The following SNX13 variants were observed in gnomAD, a reference collection of about 807,000 sequenced individuals.
SNX13 encodes the protein sorting nexin-13.
SNX13 carries 45 observed loss-of-function variants against 133.6 expected under a neutral mutation model. The observed-to-expected ratio is 0.34, with a 90% confidence interval of 0.27 to 0.43. The LOEUF (loss-of-function observed/expected upper bound fraction) is 0.43. Among genes scored for constraint, SNX13 ranks in the 20% least tolerant of loss-of-function variants. SNX13 has a pLI of 1.00. For synonymous variants in SNX13, 414 were observed against 373.9 expected, an observed-to-expected ratio of 1.11 and a Z score of -1.24; for missense variants, 1,032 against 1,145.1, an observed-to-expected ratio of 0.90 and a Z score of 1.43.
chr7:17,918,492 C>A (rs1280147056), intron 1 of SNX13, among the ~76,000 whole-genome samples: 1 of 151,532 alleles, frequency 6.6e-6, no homozygotes, highest in Non-Finnish European at 1.5e-5. Flanking sequence ...TCTCAAAAGA[C>A]ATACAAGCAG....
intron 1 of SNX13, chr7:17,907,191 C>CA (rs113143883): frequency 1.2e-3 from 184 of 152,274 alleles, no homozygotes; most frequent in African/African-American, 4.3e-3. Context: ...GATTCACTGC[C>CA]AGTACAGTCA....
intron 9 of SNX13, among the ~76,000 whole-genome samples, chr7:17,854,830 T>C (rs1791690245): frequency 6.6e-6 from 1 of 152,132 alleles, no homozygotes; most frequent in African/African-American, 2.4e-5. Context: ...TACAATGAAC[T>C]CTTAAGCGTT....
intron 1 of SNX13, among the ~76,000 whole-genome samples, chr7:17,910,644 C>T (rs1437359773): frequency 6.6e-6 from 1 of 152,038 alleles, no homozygotes; most frequent in Non-Finnish European, 1.5e-5. Context: ...TTACTATAGC[C>T]AAAAGGAGGA....
rs138732819 is a variant in SNX13 at position 17,809,906 on chromosome 7, C to T, written c.2064+4928G>A. On this transcript the variant is annotated intron_variant, in intron 20 of 25. Transcript: ENST00000428135. ...AACGAAATAAAGGTAGAAATAAATA[C>T]GTTCCTTGAAACTAATGAGAACAAA... Among the ~76,000 whole-genome samples, 85 of 152,114 alleles carry T rather than the reference C, an allele frequency of 5.6e-4. No individual in the cohort carries two copies. The East Asian group carries it at 0.015, about 27-fold the overall frequency.
intron 3 of SNX13, among the ~76,000 whole-genome samples, chr7:17,892,588 T>G (rs966022344): frequency 2.6e-5 from 4 of 151,982 alleles, no homozygotes; most frequent in African/African-American, 9.7e-5. Context: ...AAAAATTTGT[T>G]TATCAATATA....
chr7:17,844,590 T>C (rs781134818), intron 12 of SNX13, among the ~76,000 whole-genome samples: 1 of 151,972 alleles, frequency 6.6e-6, no homozygotes, highest in African/African-American at 2.4e-5. Context: ...CAGATAAAGA[T>C]AGTACAAGAA....
intron 20 of SNX13, among the ~76,000 whole-genome samples, chr7:17,807,469 G>A (rs1046152188): frequency 2.0e-5 from 3 of 152,204 alleles, no homozygotes; most frequent in African/African-American, 7.2e-5. Context: ...CCCCAGACAG[G>A]GGCTTATAGA....
chr7:17,878,266 C>G (rs1794946344), intron 5 of SNX13, among the ~76,000 whole-genome samples: 1 of 152,104 alleles, frequency 6.6e-6, no homozygotes, highest in Non-Finnish European at 1.5e-5. Flanking sequence ...CATAATGCAT[C>G]TTATTACCGA....
chr7:17,817,487 T>A (rs1186542094), intron 18 of SNX13, among the ~76,000 whole-genome samples: 1 of 152,192 alleles, frequency 6.6e-6, no homozygotes, highest in African/African-American at 2.4e-5. Flanking sequence ...AGGATTAGGA[T>A]AATTTCCATC....
At chr7:17,827,313 AT>A (rs1788016712) in intron 16 of SNX13, among the ~76,000 whole-genome samples, 1 of 152,006 alleles carries the variant, frequency 6.6e-6, no homozygotes, top group Non-Finnish European at 1.5e-5. Flanking sequence ...TATTTATATC[AT>A]TCACACATTT....
At position 17,811,305 on chromosome 7, in the gene SNX13, C is replaced by T. The variant is rs191344441; in HGVS notation, c.2064+3529G>A. On this transcript the variant is annotated intron_variant, in intron 20 of 25. Transcript: ENST00000428135. ...GCAGATAAGCAACTTCAGCAAAGTC[C>T]CAGGATACAAAATCAATGTGCAAAA... Among the ~76,000 whole-genome samples the T allele has an allele frequency of 2.8e-3, 431 of 151,326 alleles. 12 individuals carry two copies. Among genetic ancestry groups the T allele is most frequent in the Admixed American group, 0.026 (389 of 15,212 alleles).
intron 20 of SNX13, among the ~76,000 whole-genome samples, chr7:17,812,926 A>G (rs543734777): frequency 3.9e-5 from 6 of 152,180 alleles, no homozygotes; most frequent in African/African-American, 1.4e-4. Flanking sequence ...GTTCTCACAC[A>G]TGGACACAGG....
intron 11 of SNX13, among the ~76,000 whole-genome samples, chr7:17,848,416 C>T (rs1196648176): frequency 1.3e-5 from 2 of 152,204 alleles, no homozygotes; most frequent in African/African-American, 4.8e-5. Flanking sequence ...GGCTTTCACA[C>T]TGGCCCTGTG....
chr7:17,821,607 T>C lies in SNX13; in HGVS notation c.1747A>G (p.Ile583Val). 1 of 1,613,692 alleles carries C rather than the reference T, an allele frequency of 6.2e-7. No individual in the cohort carries two copies. Among genetic ancestry groups the C allele is most frequent in the South Asian group, 1.1e-5 (1 of 91,068 alleles). ...DHGKTYALYA[I>V]TVHRRNLNSE... is the part of the protein sequence containing the mutation. The stretch of plus-strand genomic sequence containing the variant: ...TTTAGGTTGCGCCGGTGTACAGTGA[T>C]GGCATATAATGCATATGTCTTGCCA... The change falls in exon 18 of 26, where the codon ATC (isoleucine) becomes GTC (valine). Residue 583 changes from isoleucine to valine, a missense_variant. Coordinates refer to ENST00000428135, the MANE Select transcript of SNX13 (RefSeq NM_015132.5).
chr7:17,805,244 T>TGTGTGTGTGTGC (rs1554304228), intron 20 of SNX13, among the ~76,000 whole-genome samples: 2 of 107,300 alleles, frequency 1.9e-5, no homozygotes, highest in African/African-American at 6.3e-5. Flanking sequence ...TGTGTGTGTG[T>TGTGTGTGTGTGC]GTGTGTGCGT....
chr7:17,845,208 A>T (rs1484423356), intron 12 of SNX13, among the ~76,000 whole-genome samples: 1 of 152,044 alleles, frequency 6.6e-6, no homozygotes, highest in African/African-American at 2.4e-5. Context: ...AAGGAAGGAA[A>T]TTCTCACATA....
At chr7:17,869,879 G>GACAC (rs10569996) in intron 8 of SNX13, among the ~76,000 whole-genome samples, 248 of 149,504 alleles carry the variant, frequency 1.7e-3, no homozygotes, top group African/African-American at 5.4e-3. Flanking sequence ...CACACACACA[G>GACAC]ACACACACAC....
At chr7:17,929,751 A>G (rs1226311241) in intron 1 of SNX13, among the ~76,000 whole-genome samples, 3 of 152,168 alleles carry the variant, frequency 2.0e-5, no homozygotes, top group Non-Finnish European at 4.4e-5. Flanking sequence ...TTAGTGTCCA[A>G]AAGAAACATA....
Position 17,810,018 on chromosome 7 carries a change from G to A in SNX13, c.2064+4816C>T, listed in dbSNP as rs192518277. Among the ~76,000 whole-genome samples, 301 of 152,090 alleles carry A rather than the reference G, an allele frequency of 2.0e-3. 3 individuals are homozygous for A. Among genetic ancestry groups the A allele is most frequent in the Non-Finnish European group, 3.8e-3 (257 of 67,998 alleles). On this transcript the variant is annotated intron_variant, in intron 20 of 25. Transcript: ENST00000428135. ...AGTAAATGCCCCCATGAGAAAGCAG[G>A]AAAGATCTAAAATCGACACCCTAAC...
Sources: gnomAD v4.1 joint callset for allele counts (sites outside exome capture counted in the v4.1 genomes callset) on GRCh38, gnomAD v4.1.1 for gene constraint, MANE v1.5 for transcripts, NCBI Gene and HGNC (gene_info 2026-07-23, HGNC 2026-07-21) for gene names.